RUNX1: variants seen among roughly 807,000 people sequenced by gnomAD.
RUNX1 encodes runt-related transcription factor 1.
In RUNX1, 19 loss-of-function variants were observed where a neutral mutation model predicts 42.8. The observed-to-expected ratio is 0.44, with a 90% CI of 0.31 to 0.65. RUNX1 has a LOEUF of 0.65. Among genes scored for constraint, RUNX1 ranks in the 30% least tolerant of loss-of-function variants. The probability of loss-of-function intolerance (pLI) is 0.07; values close to 1 mark genes in which losing one functional copy is unlikely to be tolerated. For missense variants in RUNX1, 528 were observed against 672.0 expected, an observed-to-expected ratio of 0.79 and a Z score of 2.37; for synonymous variants, 271 against 289.4, an observed-to-expected ratio of 0.94 and a Z score of 0.64.
At chr21:34,814,739 C>T (rs2056802424) in intron 7 of RUNX1, among the ~76,000 whole-genome samples, 1 of 152,158 alleles carries the variant, frequency 6.6e-6, no homozygotes, top group African/African-American at 2.4e-5. Flanking sequence ...GGACCAGTTG[C>T]CTCCGTCTTT....
intron 3 of RUNX1, 118 bp from the exon 4 acceptor site, chr21:34,887,214 G>T (rs1157531112): frequency 1.5e-6 from 2 of 1,297,078 alleles, no homozygotes; most frequent in Non-Finnish European, 2.0e-6. Flanking sequence ...CAACATACAC[G>T]TTCAGGGGCC....
At chr21:34,801,137 G>A (rs910967265) in intron 7 of RUNX1, among the ~76,000 whole-genome samples, 1 of 151,634 alleles carries the variant, frequency 6.6e-6, no homozygotes, top group African/African-American at 2.4e-5. Context: ...TAGATATTTT[G>A]TATAAGACAT....
rs531288630 is a variant in RUNX1 at position 35,016,466 on chromosome 21, G to A, written c.58+32376C>T. On this transcript the variant is annotated intron_variant, in intron 2 of 8. Coordinates refer to ENST00000675419, the MANE Select transcript of RUNX1 (RefSeq NM_001754.5). ...TTGGAGTTTGTTTTGCCCACCATAC[G>A]CCAGCTGCAGAAGTAATTGGAGATC... 3.3e-5 allele frequency among the ~76,000 whole-genome samples: 5 copies of A among 152,262 alleles called. 1 individual carries two copies. Among genetic ancestry groups the A allele is most frequent in the South Asian group, 4.1e-4 (2 of 4,820 alleles).
intron 7 of RUNX1, among the ~76,000 whole-genome samples, chr21:34,822,960 A>C (rs935260407): frequency 5.3e-5 from 8 of 152,208 alleles, no homozygotes; most frequent in African/African-American, 1.9e-4. Flanking sequence ...AAAAATCCCA[A>C]AGCAACTGGA....
intron 2 of RUNX1, among the ~76,000 whole-genome samples, chr21:34,913,012 CT>C (rs943209442): frequency 7.9e-5 from 12 of 152,148 alleles, no homozygotes; most frequent in African/African-American, 2.9e-4. Flanking sequence ...AGGTGGATCA[CT>C]TGAGGTCAGG....
intron 7 of RUNX1, chr21:34,821,356 T>C (rs2056905497): frequency 8.3e-7 from 1 of 1,206,298 alleles, no homozygotes; most frequent in Non-Finnish European, 1.0e-6. Context: ...TTGATAAAAA[T>C]ATATCTCAAA....
chr21:34,869,596 A>G (rs1254781548), intron 5 of RUNX1, among the ~76,000 whole-genome samples: 2 of 152,250 alleles, frequency 1.3e-5, no homozygotes, highest in African/African-American at 4.8e-5. Flanking sequence ...CAGATGAACC[A>G]GTGCTGAGTT....
intron 2 of RUNX1, among the ~76,000 whole-genome samples, chr21:35,029,138 A>G (rs940518769): frequency 6.6e-6 from 1 of 151,526 alleles, no homozygotes; most frequent in Non-Finnish European, 1.5e-5. Context: ...CATCTCTTCC[A>G]CTCTGGCTGG....
chr21:34,885,214 A>G (rs1295088362), intron 4 of RUNX1, among the ~76,000 whole-genome samples: 1 of 152,166 alleles, frequency 6.6e-6, no homozygotes, highest in Non-Finnish European at 1.5e-5. Flanking sequence ...GCATTGGGGC[A>G]GCCAGGTTTT....
At chr21:35,021,400 A>G (rs2059196999) in intron 2 of RUNX1, among the ~76,000 whole-genome samples, 1 of 152,198 alleles carries the variant, frequency 6.6e-6, no homozygotes, top group South Asian at 2.1e-4. Flanking sequence ...TTTTTTCTCT[A>G]TCAGGGAAAA....
intron 3 of RUNX1, chr21:34,888,640 G>A: frequency 9.5e-7 from 1 of 1,052,408 alleles, no homozygotes; most frequent in Non-Finnish European, 1.1e-6. Flanking sequence ...TGGTGCCCTG[G>A]CTGGGTCCGG....
chr21:35,043,030 CA>C (rs1201671886), intron 2 of RUNX1, among the ~76,000 whole-genome samples: 2 of 152,136 alleles, frequency 1.3e-5, no homozygotes, highest in Non-Finnish European at 2.9e-5. Context: ...GTCTCCCCAA[CA>C]AAGAGTGAAG....
At chr21:34,831,420 T>G (rs2057062069) in intron 7 of RUNX1, among the ~76,000 whole-genome samples, 1 of 152,230 alleles carries the variant, frequency 6.6e-6, no homozygotes, top group Admixed American at 6.5e-5. Flanking sequence ...GCACATGTGA[T>G]TCTAGGTAAG....
At chr21:34,936,132 T>C (rs1209175466) in intron 2 of RUNX1, among the ~76,000 whole-genome samples, 2 of 147,098 alleles carry the variant, frequency 1.4e-5, no homozygotes, top group Non-Finnish European at 3.0e-5. Context: ...ATGTGAGTAA[T>C]GACTGTGAAT....
chr21:34,948,105 G>C (rs919348401), intron 2 of RUNX1, among the ~76,000 whole-genome samples: 2 of 151,110 alleles, frequency 1.3e-5, no homozygotes, highest in Admixed American at 1.3e-4. Context: ...TTTTTTGGGG[G>C]GGGGTTTCAC....
chr21:35,026,924 G>C (rs1328818573), intron 2 of RUNX1, among the ~76,000 whole-genome samples: 3 of 152,242 alleles, frequency 2.0e-5, no homozygotes, highest in African/African-American at 7.2e-5. Context: ...TGGTTTTCTC[G>C]CTCTCGCAAC....
At chr21:34,918,628 G>A (rs2058330205) in intron 2 of RUNX1, among the ~76,000 whole-genome samples, 1 of 152,204 alleles carries the variant, frequency 6.6e-6, no homozygotes, top group Non-Finnish European at 1.5e-5. Context: ...AGATACATGA[G>A]GCCGGGCGTG....
intron 2 of RUNX1, among the ~76,000 whole-genome samples, chr21:34,909,553 T>C (rs1210711073): frequency 7.3e-6 from 1 of 136,850 alleles, no homozygotes; most frequent in Non-Finnish European, 1.5e-5. Context: ...AAACACAGAG[T>C]ATCACTTTCT....
At chr21:34,842,794 C>T (rs891392899) in intron 6 of RUNX1, among the ~76,000 whole-genome samples, 1 of 152,070 alleles carries the variant, frequency 6.6e-6, no homozygotes, top group African/African-American at 2.4e-5. Context: ...TGCAGCTGGG[C>T]GCGGTGGCTC....
Sources: allele counts gnomAD v4.1 joint callset (sites outside exome capture counted in the v4.1 genomes callset), GRCh38; gene constraint gnomAD v4.1.1; transcripts MANE v1.5; gene names NCBI Gene and HGNC (gene_info 2026-07-23, HGNC 2026-07-21).